Variants in SLC2A13 observed in about 807,000 individuals in gnomAD.
SLC2A13 encodes proton myo-inositol cotransporter.
Under a neutral mutation model 64.4 loss-of-function variants are expected in SLC2A13, and 32 were observed. That is an observed-to-expected ratio of 0.50 (90% confidence interval 0.37 to 0.67). The LOEUF is 0.67. Among genes scored for constraint, SLC2A13 ranks in the 30% least tolerant of loss-of-function variants. The pLI is 0.00. For synonymous variants in SLC2A13, 338 were observed against 327.1 expected, an observed-to-expected ratio of 1.03 and a Z score of -0.36; for missense variants, 743 against 829.2, an observed-to-expected ratio of 0.90 and a Z score of 1.28.
intron 4 of SLC2A13, among the ~76,000 whole-genome samples, chr12:39,880,364 A>C (rs903383878): frequency 3.3e-5 from 5 of 152,210 alleles, no homozygotes; most frequent in African/African-American, 1.2e-4. Flanking sequence ...AAATTAATGA[A>C]ATTTTCAAAC....
At chr12:39,802,722 T>C (rs773038969) in intron 7 of SLC2A13, among the ~76,000 whole-genome samples, 1 of 152,146 alleles carries the variant, frequency 6.6e-6, no homozygotes, top group Non-Finnish European at 1.5e-5. Context: ...TATATATAGA[T>C]ATAAAGATAC....
At chr12:40,064,901 AATT>A in intron 1 of SLC2A13, among the ~76,000 whole-genome samples, 1 of 152,276 alleles carries the variant, frequency 6.6e-6, no homozygotes, top group Non-Finnish European at 1.5e-5. Flanking sequence ...TTCAAAGAAA[AATT>A]ATTTTTTCTT....
intron 3 of SLC2A13, among the ~76,000 whole-genome samples, chr12:40,010,690 TTA>T (rs1402657390): frequency 2.2e-4 from 33 of 152,242 alleles, no homozygotes; most frequent in African/African-American, 7.5e-4. Flanking sequence ...AACATTCAAC[TTA>T]GGTTTTCACT....
intron 3 of SLC2A13, among the ~76,000 whole-genome samples, chr12:39,961,498 A>C (rs1342388826): frequency 6.6e-6 from 1 of 152,094 alleles, no homozygotes; most frequent in Non-Finnish European, 1.5e-5. Flanking sequence ...TTTATCAATA[A>C]GCAATAATTT....
At chr12:39,911,077 T>G (rs1014414761) in intron 4 of SLC2A13, among the ~76,000 whole-genome samples, 5 of 151,922 alleles carry the variant, frequency 3.3e-5, no homozygotes, top group Non-Finnish European at 7.4e-5. Flanking sequence ...AGAGTGAAAC[T>G]TCCTCTCAAA....
intron 2 of SLC2A13, among the ~76,000 whole-genome samples, chr12:40,033,752 G>T (rs906334947): frequency 1.3e-5 from 2 of 152,092 alleles, no homozygotes; most frequent in African/African-American, 4.8e-5. Context: ...TGGATAACAA[G>T]AAGGTAGGTA....
chr12:40,072,150 T>TAAA (rs1396107412), intron 1 of SLC2A13, among the ~76,000 whole-genome samples: 1 of 152,120 alleles, frequency 6.6e-6, no homozygotes, highest in East Asian at 1.9e-4. Context: ...TTATTCAGAT[T>TAAA]TTTTGACTCA....
At chr12:39,861,526 G>T (rs1566876754) in intron 6 of SLC2A13, among the ~76,000 whole-genome samples, 1 of 152,176 alleles carries the variant, frequency 6.6e-6, no homozygotes, top group Non-Finnish European at 1.5e-5. Flanking sequence ...TCAAGTATTT[G>T]AGGGAAGCGT....
chr12:39,939,432 G>C (rs1291357426), intron 4 of SLC2A13, among the ~76,000 whole-genome samples: 1 of 152,206 alleles, frequency 6.6e-6, no homozygotes, highest in Non-Finnish European at 1.5e-5. Context: ...AAGGGTTTTA[G>C]ACTCCAGAGG....
intron 3 of SLC2A13, among the ~76,000 whole-genome samples, chr12:39,956,449 A>G (rs536625363): frequency 6.6e-6 from 1 of 152,190 alleles, no homozygotes; most frequent in African/African-American, 2.4e-5. Context: ...ATTGTATGTA[A>G]ATTATTCCTC....
At chr12:39,951,894 T>C (rs1015228046) in intron 3 of SLC2A13, among the ~76,000 whole-genome samples, 5 of 152,142 alleles carry the variant, frequency 3.3e-5, no homozygotes, top group African/African-American at 1.2e-4. Context: ...ATAGCTACAA[T>C]GGAGATTATT....
intron 2 of SLC2A13, among the ~76,000 whole-genome samples, chr12:40,041,281 C>A (rs1948085355): frequency 1.3e-5 from 2 of 152,102 alleles, no homozygotes; most frequent in African/African-American, 4.8e-5. Flanking sequence ...CACTTCACCC[C>A]CAAACTCCCA....
chr12:39,763,403 CCATT>C (rs1276881613), intron 9 of SLC2A13, among the ~76,000 whole-genome samples: 2 of 152,048 alleles, frequency 1.3e-5, no homozygotes, highest in African/African-American at 4.8e-5. Context: ...ATCATATTCA[CCATT>C]CATCTGCAAA....
At chr12:40,015,483 T>A (rs1229907082) in intron 3 of SLC2A13, among the ~76,000 whole-genome samples, 1 of 152,192 alleles carries the variant, frequency 6.6e-6, no homozygotes, top group Non-Finnish European at 1.5e-5. Flanking sequence ...AGCACAAATT[T>A]TCCTTTTGAA....
Position 40,105,441 on chromosome 12 carries a change from A to C in SLC2A13, c.368T>G (p.Leu123Arg). ...LSLDALWQEL[L>R]VSSTVGAAAV... ...AGCCGCCCCCACCGTGCTGGACACCAGCAGCTCCTGCCACAGCGCGTCCAG... is the reference window on the plus strand; with the variant it reads ...AGCCGCCCCCACCGTGCTGGACACCCGCAGCTCCTGCCACAGCGCGTCCAG... The change falls in exon 1 of 10, where the codon CTG becomes CGG. Residue 123 changes from leucine (L) to arginine (R), a missense_variant. By Grantham distance (102) the Leu-to-Arg change is moderately radical (BLOSUM62 -2). Coordinates refer to ENST00000280871, the MANE Select transcript of SLC2A13 (RefSeq NM_052885.4). The surrounding 1 kb of genome is among the most constrained non-coding windows in gnomAD (Gnocchi z 4.2). 1 of 1,555,560 alleles carries C rather than the reference A, an allele frequency of 6.4e-7. No homozygotes were observed. The highest frequency in any genetic ancestry group is 8.7e-7 in the Non-Finnish European group (1 of 1,150,466).
At chr12:39,991,152 T>TA (rs773797115) in intron 3 of SLC2A13, among the ~76,000 whole-genome samples, 2 of 152,340 alleles carry the variant, frequency 1.3e-5, no homozygotes, top group Non-Finnish European at 2.9e-5. Context: ...TTTCTCTACT[T>TA]ACTTCACACA....
chr12:39,911,316 C>A (rs1323630652), intron 4 of SLC2A13, among the ~76,000 whole-genome samples: 1 of 152,014 alleles, frequency 6.6e-6, no homozygotes, highest in African/African-American at 2.4e-5. Flanking sequence ...GGAATACCAC[C>A]AATGTCTTTT....
chr12:39,968,751 T>G (rs1946576995), intron 3 of SLC2A13, among the ~76,000 whole-genome samples: 2 of 68,412 alleles, frequency 2.9e-5, no homozygotes, highest in East Asian at 6.1e-4. Flanking sequence ...TTTTTGTTGT[T>G]TTTTTTTGGT....
intron 1 of SLC2A13, among the ~76,000 whole-genome samples, chr12:40,103,823 G>A (rs1432893300): frequency 6.6e-6 from 1 of 152,222 alleles, no homozygotes; most frequent in African/African-American, 2.4e-5. Context: ...GAAGGCCCAA[G>A]TAGTTTCCAC....
Sources: allele counts gnomAD v4.1 joint callset (sites outside exome capture counted in the v4.1 genomes callset), GRCh38; gene constraint gnomAD v4.1.1; non-coding constraint Gnocchi (gnomAD v3.1); transcripts MANE v1.5; gene names NCBI Gene and HGNC (gene_info 2026-07-23, HGNC 2026-07-21).